CCDC50: variants seen among roughly 807,000 people sequenced by gnomAD.
CCDC50 encodes the protein coiled-coil domain-containing protein 50.
In CCDC50, 54 loss-of-function variants were observed where a neutral mutation model predicts 70.2. The observed-to-expected ratio is 0.77, with a 90% CI of 0.62 to 0.96. CCDC50 has a LOEUF of 0.96. Ranked by LOEUF, CCDC50 falls within the 50% of genes least tolerant of loss-of-function variation. The pLI, the probability that CCDC50 is intolerant of heterozygous loss-of-function variation, is 0.00. For synonymous variants in CCDC50, 216 were observed against 198.8 expected, an observed-to-expected ratio of 1.09 and a Z score of -0.73; for missense variants, 558 against 578.7, an observed-to-expected ratio of 0.96 and a Z score of 0.37.
At chr3:191,369,874 T>G in intron 4 of CCDC50, 45 bp from the exon 5 acceptor site, 1 of 1,396,436 alleles carries the variant, frequency 7.2e-7, no homozygotes. Flanking sequence ...GGAGTTTGTT[T>G]GTTCTTTGGT....
intron 3 of CCDC50, among the ~76,000 whole-genome samples, chr3:191,358,647 C>T (rs996152454): frequency 6.6e-6 from 1 of 152,184 alleles, no homozygotes; most frequent in Admixed American, 6.5e-5. Context: ...CAAAAGTTCT[C>T]TCTAGTAGCC....
intron 1 of CCDC50, among the ~76,000 whole-genome samples, chr3:191,355,540 C>A (rs1006322313): frequency 1.3e-5 from 2 of 152,184 alleles, no homozygotes; most frequent in Non-Finnish European, 2.9e-5. Context: ...ATGTTGACCC[C>A]CAAGCCCTGT....
chr3:191,395,697 T>C lies in CCDC50; in HGVS notation c.*3937T>C, dbSNP rs1170739890. The stretch of plus-strand genomic sequence containing the variant: ...GTGCTAAGGTAGACTTCATTGTACA[T>C]AGAGTGCCATATTCTGTTGAAACGA... On this transcript the variant is annotated 3_prime_UTR_variant, in exon 12 of 12. Coordinates refer to ENST00000392455, the MANE Select transcript of CCDC50 (RefSeq NM_178335.3). 6.6e-6 allele frequency: 1 copy of C among 152,186 alleles called. No homozygotes were observed. The highest frequency in any genetic ancestry group is 1.9e-4 in the East Asian group (1 of 5,204). 9.4% of individuals were successfully genotyped at this position (152,186 alleles called of 1,614,324 possible).
At chr3:191,336,368 C>G (rs1002945014) in intron 1 of CCDC50, among the ~76,000 whole-genome samples, 1 of 152,130 alleles carries the variant, frequency 6.6e-6, no homozygotes, top group African/African-American at 2.4e-5. Context: ...ACCATTTGAG[C>G]AAGTGTGTCA....
At chr3:191,365,849 A>T (rs1219991171) in intron 4 of CCDC50, among the ~76,000 whole-genome samples, 1 of 152,204 alleles carries the variant, frequency 6.6e-6, no homozygotes, top group African/African-American at 2.4e-5. Flanking sequence ...TTATATATTT[A>T]AATGATATAA....
chr3:191,347,719 A>T (rs1337584737), intron 1 of CCDC50, among the ~76,000 whole-genome samples: 1 of 141,948 alleles, frequency 7.0e-6, no homozygotes, highest in Admixed American at 7.2e-5. Flanking sequence ...TCCTTTCATT[A>T]TAATAAAGCT....
At chr3:191,329,763 C>T (rs1240368493) in intron 1 of CCDC50, 40 bp downstream of exon 1, 2 of 1,592,396 alleles carry the variant, frequency 1.3e-6, no homozygotes, top group African/African-American at 2.7e-5. Flanking sequence ...ACCCTCCCCT[C>T]TCCCAGCCCG....
chr3:191,370,179 GATTCT>G, intron 5 of CCDC50, 143 bp downstream of exon 5: 1 of 685,700 alleles, frequency 1.5e-6, no homozygotes, highest in South Asian at 1.5e-5. Context: ...TGTGTGGCAG[GATTCT>G]ATTTGAATCT....
chr3:191,334,743 C>T (rs555784893), intron 1 of CCDC50, among the ~76,000 whole-genome samples: 149 of 152,072 alleles, frequency 9.8e-4, no homozygotes, highest in African/African-American at 3.5e-3. Context: ...TCTGTAGATG[C>T]GAAAGATTCA....
At chr3:191,385,933 T>A (rs1344349901) in intron 10 of CCDC50, among the ~76,000 whole-genome samples, 2 of 152,132 alleles carry the variant, frequency 1.3e-5, no homozygotes, top group Non-Finnish European at 2.9e-5. Flanking sequence ...CCCTTTGTTA[T>A]AGGTGTGCAG....
Position 191,393,184 on chromosome 3 carries a change from A to G in CCDC50, c.*1424A>G, listed in dbSNP as rs1713754479. 6.6e-6 allele frequency: 1 copy of G among 152,176 alleles called. No individual in the cohort carries two copies. The highest frequency in any genetic ancestry group is 2.1e-4 in the South Asian group (1 of 4,830). 9.4% of individuals were successfully genotyped at this position (152,176 alleles called of 1,614,324 possible). A position where few individuals can be genotyped will look rare whatever the true frequency, so the allele number is the denominator to read the frequency against. On this transcript the variant is annotated 3_prime_UTR_variant, in exon 12 of 12. Coordinates refer to ENST00000392455, the MANE Select transcript of CCDC50 (RefSeq NM_178335.3). ...AATATTTATTTTCCCTTATTTTCCC[A>G]TACTACTTAGTTGACAAATGGCAAT...
intron 6 of CCDC50, among the ~76,000 whole-genome samples, chr3:191,376,828 C>A (rs1190419983): frequency 6.6e-6 from 1 of 152,082 alleles, no homozygotes; most frequent in Non-Finnish European, 1.5e-5. Flanking sequence ...GGAGGTTACA[C>A]CCCTAGCATT....
chr3:191,375,204 T>C lies in CCDC50; in HGVS notation c.591T>C (p.His197=). The C allele has an allele frequency of 6.2e-7, 1 of 1,613,644 alleles. No individual in the cohort carries two copies. Among genetic ancestry groups the C allele is most frequent in the East Asian group, 2.2e-5 (1 of 44,852 alleles). The change falls in exon 6 of 12, where the codon CAT becomes CAC. Residue 197 remains histidine (H), a synonymous_variant. Coordinates refer to ENST00000392455, the MANE Select transcript of CCDC50 (RefSeq NM_178335.3). The part of the protein sequence containing the change: ...PLENLEEPEQ[H]CSSKRSLSSS... ...AGAACTTGGAAGAGCCAGAACAACA[T>C]TGTTCATCGAAGAGATCCCTGTCAT...
chr3:191,355,357 T>G (rs1712241697), intron 1 of CCDC50, among the ~76,000 whole-genome samples: 1 of 152,248 alleles, frequency 6.6e-6, no homozygotes, highest in Non-Finnish European at 1.5e-5. Context: ...TCCGTGTATG[T>G]CTTACCCATT....
chr3:191,381,025 G>T, intron 9 of CCDC50, 93 bp downstream of exon 9: 2 of 908,922 alleles, frequency 2.2e-6, no homozygotes, highest in South Asian at 3.0e-5. Context: ...AATATATTTA[G>T]GATATATGAA....
chr3:191,332,940 G>A (rs1300460553), intron 1 of CCDC50, among the ~76,000 whole-genome samples: 3 of 152,188 alleles, frequency 2.0e-5, no homozygotes, highest in Non-Finnish European at 4.4e-5. Flanking sequence ...AAGCATTAGA[G>A]CTTTACCACT....
rs1301257568 is a variant in CCDC50 at position 191,394,502 on chromosome 3, A to G, written c.*2742A>G. The G allele has an allele frequency of 1.3e-5, 2 of 152,174 alleles. No individual in the cohort carries two copies. Among genetic ancestry groups the G allele is most frequent in the East Asian group, 3.8e-4 (2 of 5,200 alleles). The allele number at this position is 152,174 out of a possible 1,614,324, so 9.4% of individuals were successfully genotyped here. On this transcript the variant is annotated 3_prime_UTR_variant, in exon 12 of 12. Transcript: ENST00000392455. The stretch of plus-strand genomic sequence containing the variant: ...TGTTGTTGTTGTTGTTCCTGCTGCT[A>G]GAACACATGCAGTTTAATTTTTAGG...
At chr3:191,391,705 C>T (rs375931612) in intron 11 of CCDC50, 36 bp from the exon 12 acceptor site, 14 of 1,604,838 alleles carry the variant, frequency 8.7e-6, no homozygotes, top group African/African-American at 1.3e-5. Flanking sequence ...AAAGGTTTTT[C>T]CTTAATTGTG....
chr3:191,375,599 G>A lies in CCDC50; in HGVS notation c.976+10G>A, dbSNP rs530179056. 1 of 1,611,346 alleles carries A rather than the reference G, an allele frequency of 6.2e-7. No individual in the cohort carries two copies. Among genetic ancestry groups the A allele is most frequent in the African/African-American group, 1.3e-5 (1 of 74,906 alleles). ...CACCTCCATGACGCAGGTAATAGAGGACAGTCTCGATGGAAGTCCTGGTAT... is the reference window on the plus strand; with the variant it reads ...CACCTCCATGACGCAGGTAATAGAGAACAGTCTCGATGGAAGTCCTGGTAT... On this transcript the variant is annotated intron_variant, in intron 6 of 11. Transcript: ENST00000392455.
Sources: allele counts gnomAD v4.1 joint callset (sites outside exome capture counted in the v4.1 genomes callset), GRCh38; gene constraint gnomAD v4.1.1; transcripts MANE v1.5; gene names NCBI Gene and HGNC (gene_info 2026-07-23, HGNC 2026-07-21).